The following NTM variants were observed in gnomAD, a reference collection of about 807,000 sequenced individuals.
NTM encodes IgLON family member 2.
Under a neutral mutation model 42.1 loss-of-function variants are expected in NTM, and 13 were observed. The ratio of observed to expected loss-of-function variants is 0.31; its 90% CI spans 0.20 to 0.49. The LOEUF is 0.49. Ranked by LOEUF, NTM falls within the 20% of genes least tolerant of loss-of-function variation. The probability of loss-of-function intolerance (pLI) is 0.99; values close to 1 mark genes in which losing one functional copy is unlikely to be tolerated. For missense variants in NTM, 373 were observed against 452.8 expected (o/e 0.82, Z 1.60); for synonymous variants, 187 against 179.2 (o/e 1.04, Z -0.35).
rs933708157 is a variant in NTM, at chr11:132,314,648, C to T, written c.879C>T (p.Tyr293=). 2 of 1,613,946 alleles carry T rather than the reference C, an allele frequency of 1.2e-6. No homozygotes were observed. Among genetic ancestry groups the T allele is most frequent in the African/African-American group, 1.3e-5 (1 of 75,066 alleles). Residue 293 remains tyrosine (Y), a synonymous_variant, in exon 7 of 9, where the codon TAC becomes TAT. Transcript: ENST00000683400. ...FNVSEHDYGN[Y]TCVASNKLGH... is the part of the protein sequence containing the mutation. ...TCTCTGAACATGACTATGGGAACTA[C>T]ACTTGCGTGGCCTCCAACAAGCTGG...
At chr11:132,018,902 T>G (rs2073879707) in intron 2 of NTM, among the ~76,000 whole-genome samples, 1 of 152,044 alleles carries the variant, frequency 6.6e-6, no homozygotes, top group Non-Finnish European at 1.5e-5. Context: ...GATTTAGTTT[T>G]ATTCAGATTT....
intron 2 of NTM, among the ~76,000 whole-genome samples, chr11:131,976,288 G>A (rs540483142): frequency 1.3e-5 from 2 of 152,204 alleles, no homozygotes; most frequent in African/African-American, 4.8e-5. Flanking sequence ...CCCGAGCATG[G>A]GTGAGTACAG....
rs180944286 is a variant in NTM, at chr11:131,931,998, G to C, written c.167+20350G>C. On this transcript the variant is annotated intron_variant, in intron 2 of 8. Coordinates refer to ENST00000683400, the MANE Select transcript of NTM (RefSeq NM_001352005.2). ...ACGGCGGTGCCTCGATCTGTTTCCAGCTAAGCCCAGAGCAGCCAGGGCTGT... is the reference window on the plus strand; with the variant it reads ...ACGGCGGTGCCTCGATCTGTTTCCACCTAAGCCCAGAGCAGCCAGGGCTGT... 4.6e-5 allele frequency among the ~76,000 whole-genome samples: 7 copies of C among 152,340 alleles called. No homozygotes were observed. The East Asian group carries it at 1.4e-3, about 29-fold the overall frequency.
chr11:132,191,069 AT>A (rs1273825301), intron 3 of NTM, among the ~76,000 whole-genome samples: 2 of 152,192 alleles, frequency 1.3e-5, no homozygotes, highest in Non-Finnish European at 2.9e-5. Context: ...CTTGGATAGT[AT>A]TTACCAGAGG....
chr11:131,777,269 C>T (rs2087177217), intron 1 of NTM: 1 of 152,770 alleles, frequency 6.5e-6, no homozygotes, highest in African/African-American at 2.4e-5. Context: ...AAAGAAAGCA[C>T]ATACATTCAC....
At chr11:132,043,700 C>T (rs985976149) in intron 2 of NTM, among the ~76,000 whole-genome samples, 27 of 152,120 alleles carry the variant, frequency 1.8e-4, no homozygotes, top group Non-Finnish European at 3.5e-4. Context: ...AGCTGGCAGA[C>T]GCAAACAAGC....
Position 131,661,559 on chromosome 11 carries a change from G to A in NTM, c.83-250005G>A, listed in dbSNP as rs116199754. On this transcript the variant is annotated intron_variant, in intron 1 of 8. Transcript: ENST00000683400. ...TGTATTTTTCTATTCCTGCCTGGTC[G>A]CCGAGGCTGAAACATCACTTACTTT... 4.7e-3 allele frequency among the ~76,000 whole-genome samples: 722 copies of A among 152,190 alleles called. 4 individuals are homozygous for A. Among genetic ancestry groups the A allele is most frequent in the African/African-American group, 0.016 (679 of 41,528 alleles).
At chr11:132,140,288 T>C (rs2068827138) in intron 2 of NTM, among the ~76,000 whole-genome samples, 1 of 152,190 alleles carries the variant, frequency 6.6e-6, no homozygotes, top group African/African-American at 2.4e-5. Flanking sequence ...CAGTGCAGTG[T>C]GTGTGCTGCT....
intron 1 of NTM, among the ~76,000 whole-genome samples, chr11:131,441,817 C>T (rs1305382773): frequency 6.6e-6 from 1 of 152,156 alleles, no homozygotes. Flanking sequence ...GTAGCTTTTC[C>T]AGCACGGCTG....
intron 2 of NTM, among the ~76,000 whole-genome samples, chr11:131,954,162 T>G (rs2061324925): frequency 6.6e-6 from 1 of 152,216 alleles, no homozygotes; most frequent in African/African-American, 2.4e-5. Context: ...TGGCACGCGA[T>G]GTCCTCTGAA....
At chr11:132,316,489 AAGT>A (rs1285644475) in intron 7 of NTM, among the ~76,000 whole-genome samples, 5 of 152,324 alleles carry the variant, frequency 3.3e-5, no homozygotes, top group African/African-American at 1.2e-4. Flanking sequence ...GGACATGGAA[AAGT>A]AGTAGTATGT....
chr11:131,459,886 T>C (rs1951219952), intron 1 of NTM, among the ~76,000 whole-genome samples: 1 of 152,158 alleles, frequency 6.6e-6, no homozygotes, highest in Non-Finnish European at 1.5e-5. Context: ...CATGACAGAA[T>C]TGGATTTCAA....
At chr11:131,952,917 G>A (rs982357660) in intron 2 of NTM, among the ~76,000 whole-genome samples, 14 of 152,084 alleles carry the variant, frequency 9.2e-5, no homozygotes, top group African/African-American at 3.4e-4. Flanking sequence ...GAAAGGAAAG[G>A]CACCTTAGAG....
At chr11:131,681,505 ATG>A (rs540153310) in intron 1 of NTM, among the ~76,000 whole-genome samples, 1 of 6,240 alleles carries the variant, frequency 1.6e-4, no homozygotes, top group Middle Eastern at 0.083. Flanking sequence ...GTGTGTGAGC[ATG>A]TGTTTCTGTG....
At position 132,336,404 on chromosome 11, in the gene NTM, CAACT is replaced by C. The variant is rs1169830990; in HGVS notation, c.*1261_*1264del. On this transcript the variant is annotated 3_prime_UTR_variant, in exon 9 of 9. Coordinates refer to ENST00000683400, the MANE Select transcript of NTM (RefSeq NM_001352005.2). ...GTGAAAGGATAAAAAAAAAAAAAAA[CAACT>C]AATACCGGGCGCAGCATCTTTCCAG... is the stretch of plus-strand genomic sequence containing the variant. The C allele has an allele frequency of 4.1e-5, 6 of 146,688 alleles. No homozygotes were observed. Among genetic ancestry groups the C allele is most frequent in the Non-Finnish European group, 9.1e-5 (6 of 66,216 alleles). The allele number at this position is 146,688 out of a possible 1,614,324, so 9.1% of individuals were successfully genotyped here.
chr11:132,204,234 T>G (rs1057345463), intron 3 of NTM, among the ~76,000 whole-genome samples: 4 of 152,232 alleles, frequency 2.6e-5, no homozygotes, highest in African/African-American at 9.6e-5. Context: ...TAAATGGTAA[T>G]TATCAACATC....
In NTM at chr11:131,692,769, G is replaced by C. The variant is rs145506418; in HGVS notation, c.83-218795G>C. Among the ~76,000 whole-genome samples, 346 of 152,230 alleles carry C rather than the reference G, an allele frequency of 2.3e-3. 2 individuals are homozygous for C. The highest frequency in any genetic ancestry group is 8.0e-3 in the African/African-American group (333 of 41,540). On this transcript the variant is annotated intron_variant, in intron 1 of 8. Coordinates refer to ENST00000683400, the MANE Select transcript of NTM (RefSeq NM_001352005.2). ...AACCAAATCACCCAAACCTCTGTGT[G>C]ACTCCTTCAGGGTTATAGACCCTGA...
intron 2 of NTM, among the ~76,000 whole-genome samples, chr11:131,927,395 CT>C (rs2058081751): frequency 6.6e-6 from 1 of 152,148 alleles, no homozygotes; most frequent in Admixed American, 6.5e-5. Context: ...CTGGCCTGGC[CT>C]TGGAGCCATT....
chr11:132,151,200 C>T (rs547928211), intron 3 of NTM, among the ~76,000 whole-genome samples: 84 of 152,312 alleles, frequency 5.5e-4, no homozygotes, highest in African/African-American at 1.8e-3. Context: ...ACTACTGTCT[C>T]CATTGTTCCT....
Sources: gnomAD v4.1 joint callset for allele counts (sites outside exome capture counted in the v4.1 genomes callset) on GRCh38, gnomAD v4.1.1 for gene constraint, MANE v1.5 for transcripts, NCBI Gene and HGNC (gene_info 2026-07-23, HGNC 2026-07-21) for gene names.